Variants in CBLN2 observed in about 807,000 individuals in gnomAD.
CBLN2 encodes cerebellin-2.
In CBLN2, 7 loss-of-function variants were observed where a neutral mutation model predicts 15.0. That is an observed-to-expected ratio of 0.47 (90% CI 0.27 to 0.88). CBLN2 has a LOEUF of 0.88. Ranked by LOEUF, CBLN2 falls within the 40% of genes least tolerant of loss-of-function variation. CBLN2 has a pLI of 0.14. For missense variants in CBLN2, 242 were observed against 304.5 expected, an observed-to-expected ratio of 0.79 and a Z score of 1.53; for synonymous variants, 149 against 135.2, an observed-to-expected ratio of 1.10 and a Z score of -0.71.
intron 1 of CBLN2, among the ~76,000 whole-genome samples, chr18:72,569,215 T>A (rs1488468866): frequency 6.6e-6 from 1 of 152,156 alleles, no homozygotes; most frequent in African/African-American, 2.4e-5. Context: ...TTATTCTTTT[T>A]AAAAATAATA....
rs1372229580 is a variant in CBLN2 at position 72,605,989 on chromosome 18, C to CA, written c.15+32335dup. Among the ~76,000 whole-genome samples, 145 of 152,332 alleles carry CA rather than the reference C, an allele frequency of 9.5e-4. 1 individual carries two copies. The highest frequency in any genetic ancestry group is 3.3e-3 in the Admixed American group (51 of 15,302). ...ATTTCCTTTTGGTCAAGTCTCAAAG[C>CA]ATTCAATCACTCCAGTGCCAATGTG... On this transcript the variant is annotated intron_variant, in intron 1 of 2. Coordinates refer to the CBLN2 transcript ENST00000581073.
chr18:72,592,402 T>A (rs1354663672), intron 1 of CBLN2, among the ~76,000 whole-genome samples: 1 of 152,110 alleles, frequency 6.6e-6, no homozygotes, highest in Non-Finnish European at 1.5e-5. Context: ...TGGTTATTGA[T>A]CACTTATCAG....
Position 72,537,796 on chromosome 18 carries a change from G to T in CBLN2, c.*380C>A. On this transcript the variant is annotated 3_prime_UTR_variant, in exon 5 of 5. Transcript: ENST00000269503. ...CTACTTCAAGCCCTGACTGCAACCT[G>T]CAGCCCATCCTGGAGTCAGGAGCTC... 1 of 293,224 alleles carries T rather than the reference G, an allele frequency of 3.4e-6. No individual in the cohort carries two copies. The highest frequency in any genetic ancestry group is 6.5e-6 in the Non-Finnish European group (1 of 152,866). 18.2% of individuals were successfully genotyped at this position (293,224 alleles called of 1,614,324 possible).
chr18:72,636,133 T>A (rs1204499486), intron 1 of CBLN2, among the ~76,000 whole-genome samples: 13 of 152,222 alleles, frequency 8.5e-5, no homozygotes, highest in Admixed American at 8.5e-4. Context: ...TTTGGACATT[T>A]ACATTATCCA....
chr18:72,637,378 A>G (rs1482878480), intron 1 of CBLN2, among the ~76,000 whole-genome samples: 1 of 152,174 alleles, frequency 6.6e-6, no homozygotes, highest in Non-Finnish European at 1.5e-5. Context: ...CAGATTGTTA[A>G]GCAGTCAACT....
chr18:72,617,246 A>G (rs769734113), intron 1 of CBLN2, among the ~76,000 whole-genome samples: 6 of 152,200 alleles, frequency 3.9e-5, no homozygotes, highest in African/African-American at 7.2e-5. Flanking sequence ...TAAATTACCA[A>G]TGTTAAGTAT....
upstream of CBLN2, among the ~76,000 whole-genome samples, chr18:72,545,065 A>C (rs914875215): frequency 6.6e-6 from 1 of 151,978 alleles, no homozygotes; most frequent in African/African-American, 2.4e-5. Flanking sequence ...TTCACACCGA[A>C]CCCTCTCCCC....
chr18:72,609,515 G>GA (rs1198442484), intron 1 of CBLN2, among the ~76,000 whole-genome samples: 3 of 152,106 alleles, frequency 2.0e-5, no homozygotes, highest in African/African-American at 7.2e-5. Flanking sequence ...AGAACTGCAA[G>GA]AAAAAACTTT....
intron 2 of CBLN2, 73 bp from the exon 3 acceptor site, chr18:72,542,399 G>A (rs2069122834): frequency 8.3e-6 from 2 of 240,348 alleles, no homozygotes; most frequent in East Asian, 1.1e-4. Context: ...CTGGGAGCAG[G>A]TGCCTGCGGC....
intron 1 of CBLN2, among the ~76,000 whole-genome samples, chr18:72,556,982 T>C (rs982687152): frequency 8.5e-5 from 13 of 152,068 alleles, no homozygotes; most frequent in Non-Finnish European, 1.8e-4. Context: ...ATCATTCTTA[T>C]GCTGACATCT....
At chr18:72,566,336 A>G (rs1317551568) in intron 1 of CBLN2, among the ~76,000 whole-genome samples, 1 of 152,230 alleles carries the variant, frequency 6.6e-6, no homozygotes, top group African/African-American at 2.4e-5. Flanking sequence ...AAATGAAATG[A>G]AATAAGTATG....
At chr18:72,607,670 T>C (rs1319950248) in intron 1 of CBLN2, among the ~76,000 whole-genome samples, 1 of 151,912 alleles carries the variant, frequency 6.6e-6, no homozygotes. Flanking sequence ...ATAGGAGCTA[T>C]GTAGATACCT....
At chr18:72,618,516 G>T in intron 1 of CBLN2, 2 of 688,310 alleles carry the variant, frequency 2.9e-6, no homozygotes, top group Non-Finnish European at 5.4e-6. Context: ...TGCAAGAGTT[G>T]TGGAACCAAA....
chr18:72,561,801 A>G (rs1371036553), intron 1 of CBLN2, among the ~76,000 whole-genome samples: 1 of 148,834 alleles, frequency 6.7e-6, no homozygotes, highest in Non-Finnish European at 1.5e-5. Context: ...CGGCAATAAC[A>G]TGTGCATTAG....
intron 1 of CBLN2, among the ~76,000 whole-genome samples, chr18:72,571,404 G>C (rs1325321076): frequency 6.6e-6 from 1 of 151,618 alleles, no homozygotes; most frequent in Admixed American, 6.6e-5. Context: ...GGAGAAGCCA[G>C]AAAAAAAGAA....
chr18:72,555,907 C>A (rs528921688), intron 1 of CBLN2, among the ~76,000 whole-genome samples: 1 of 152,266 alleles, frequency 6.6e-6, no homozygotes, highest in East Asian at 1.9e-4. Context: ...TTATGTGGAG[C>A]AGGATGGCTT....
In CBLN2 at chr18:72,598,391, A is replaced by C. The variant is rs118148961; in HGVS notation, c.15+39934T>G. ...GCCTCGGGACTCTGCCTGTTGGCCT[A>C]TTCTACTGTGGCTAAGCTGGTATCC... On this transcript the variant is annotated intron_variant, in intron 1 of 2. Transcript: ENST00000581073. Among the ~76,000 whole-genome samples the C allele has an allele frequency of 7.5e-3, 1,142 of 152,284 alleles. 10 individuals are homozygous for C. The highest frequency in any genetic ancestry group is 0.012 in the Non-Finnish European group (808 of 68,024).
intron 1 of CBLN2, among the ~76,000 whole-genome samples, chr18:72,633,997 T>C (rs566736607): frequency 1.8e-4 from 27 of 152,070 alleles, no homozygotes; most frequent in Non-Finnish European, 1.8e-4. Context: ...AATCCTGTTT[T>C]AGAGAAATTT....
Position 72,543,472 on chromosome 18 carries a change from T to C in CBLN2, c.-167+14A>G. 2.5e-6 allele frequency: 1 copy of C among 398,586 alleles called. No homozygotes were observed. Among genetic ancestry groups the C allele is most frequent in the Non-Finnish European group, 4.4e-6 (1 of 226,288 alleles). 24.7% of individuals were successfully genotyped at this position (398,586 alleles called of 1,614,324 possible). A position where few individuals can be genotyped will look rare whatever the true frequency, so the allele number is the denominator to read the frequency against. ...GCTTGCATGCGGAGGGGAGGGCAGG[T>C]CGGGGGTGGTTACCTGGAACATCCA... is the stretch of plus-strand genomic sequence containing the variant. On this transcript the variant is annotated intron_variant, in intron 2 of 4. Coordinates refer to ENST00000269503, the MANE Select transcript of CBLN2 (RefSeq NM_182511.4). The surrounding 1 kb of genome is among the most constrained non-coding windows in gnomAD (Gnocchi z 6.8).
Sources: allele counts gnomAD v4.1 joint callset (sites outside exome capture counted in the v4.1 genomes callset), GRCh38; gene constraint gnomAD v4.1.1; non-coding constraint Gnocchi (gnomAD v3.1); transcripts MANE v1.5; gene names NCBI Gene and HGNC (gene_info 2026-07-23, HGNC 2026-07-21).